Variants in KCNJ3 observed in about 807,000 individuals in gnomAD.
KCNJ3 encodes the protein potassium inwardly rectifying channel subfamily J member 3, also known as G protein-activated inward rectifier potassium channel 1.
KCNJ3 carries 4 observed loss-of-function variants against 39.2 expected under a neutral mutation model. The observed-to-expected ratio is 0.10, with a 90% CI of 0.05 to 0.23. The LOEUF (loss-of-function observed/expected upper bound fraction) is 0.23, where lower values mean the gene tolerates loss of function less well. Ranked by LOEUF, KCNJ3 falls within the 10% of genes least tolerant of loss-of-function variation. The pLI is 1.00. For synonymous variants in KCNJ3, 230 were observed against 237.4 expected (o/e 0.97, Z 0.29); for missense variants, 276 against 634.9 (o/e 0.43, Z 6.08).
intron 2 of KCNJ3, among the ~76,000 whole-genome samples, chr2:154,715,659 G>A (rs1283031741): frequency 6.6e-6 from 1 of 152,146 alleles, no homozygotes; most frequent in Non-Finnish European, 1.5e-5. Context: ...ACATTTGTGA[G>A]TAAGGTGCTT....
intron 2 of KCNJ3, among the ~76,000 whole-genome samples, chr2:154,723,737 C>T (rs1045704905): frequency 6.6e-6 from 1 of 151,978 alleles, no homozygotes; most frequent in Admixed American, 6.6e-5. Context: ...ATTAAATATG[C>T]TCAGTACTTC....
chr2:154,743,929 C>A (rs1159694987), intron 2 of KCNJ3, among the ~76,000 whole-genome samples: 1 of 151,414 alleles, frequency 6.6e-6, no homozygotes, highest in East Asian at 1.9e-4. Flanking sequence ...TCTTAAAAAG[C>A]AGCTTTCAAT....
chr2:154,830,715 A>G (rs1687347433), intron 2 of KCNJ3, among the ~76,000 whole-genome samples: 1 of 152,068 alleles, frequency 6.6e-6, no homozygotes, highest in Admixed American at 6.6e-5. Flanking sequence ...AGTTGGAAGT[A>G]ATTGTTCTTA....
At chr2:154,798,214 A>G (rs1302531517) in intron 2 of KCNJ3, among the ~76,000 whole-genome samples, 1 of 131,104 alleles carries the variant, frequency 7.6e-6, no homozygotes, top group African/African-American at 2.8e-5. Flanking sequence ...ACACACACAC[A>G]CACACACGCA....
chr2:154,760,369 T>C (rs138071618), intron 2 of KCNJ3, among the ~76,000 whole-genome samples: 33 of 152,314 alleles, frequency 2.2e-4, no homozygotes, highest in African/African-American at 7.7e-4. Context: ...ATGACTGTTT[T>C]CTCTAAGTTT....
At chr2:154,793,211 C>T (rs532012078) in intron 2 of KCNJ3, among the ~76,000 whole-genome samples, 8 of 151,984 alleles carry the variant, frequency 5.3e-5, no homozygotes, top group Non-Finnish European at 8.8e-5. Context: ...ATTATATTGG[C>T]GAGTTTTTAC....
chr2:154,846,705 G>C (rs1350804010), intron 2 of KCNJ3, among the ~76,000 whole-genome samples: 1 of 152,114 alleles, frequency 6.6e-6, no homozygotes, highest in East Asian at 1.9e-4. Context: ...ACCTGACCAT[G>C]AGCCTTTAGC....
chr2:154,770,449 C>T (rs147142489), intron 2 of KCNJ3, among the ~76,000 whole-genome samples: 4 of 151,136 alleles, frequency 2.6e-5, no homozygotes, highest in African/African-American at 7.3e-5. Context: ...TTTTTTTTGC[C>T]GCAATTTCTT....
At chr2:154,736,821 A>G (rs896121269) in intron 2 of KCNJ3, among the ~76,000 whole-genome samples, 1 of 152,094 alleles carries the variant, frequency 6.6e-6, no homozygotes, top group Non-Finnish European at 1.5e-5. Flanking sequence ...CTGAGAGACA[A>G]GAAACAAATG....
rs551628926 is a variant in KCNJ3 at position 154,817,919 on chromosome 2, CG to C, written c.920-36807del. Among the ~76,000 whole-genome samples, 133 of 152,084 alleles carry C rather than the reference CG, an allele frequency of 8.7e-4. No individual in the cohort carries two copies. The South Asian group carries it at 0.027, about 30-fold the overall frequency. ...AGATTTAAAGCATGGTCAATAAAAA[CG>C]TGTCCAACGATGTCATATTTATTAA... is the stretch of plus-strand genomic sequence containing the variant. On this transcript the variant is annotated intron_variant, in intron 2 of 2. Transcript: ENST00000295101.
intron 2 of KCNJ3, among the ~76,000 whole-genome samples, chr2:154,755,049 TA>T (rs1449861287): frequency 6.6e-6 from 1 of 152,168 alleles, no homozygotes; most frequent in African/African-American, 2.4e-5. Context: ...ACCTTTGTAT[TA>T]TTTTTATAAT....
At chr2:154,846,030 A>C (rs1687658047) in intron 2 of KCNJ3, among the ~76,000 whole-genome samples, 1 of 152,164 alleles carries the variant, frequency 6.6e-6, no homozygotes. Flanking sequence ...TAAAGTAATA[A>C]TAGGATAGGG....
At chr2:154,704,417 C>T (rs938481589) in intron 1 of KCNJ3, among the ~76,000 whole-genome samples, 8 of 152,162 alleles carry the variant, frequency 5.3e-5, no homozygotes, top group East Asian at 3.9e-4. Context: ...GTTATAAAGC[C>T]GCTCTTTCAT....
intron 2 of KCNJ3, among the ~76,000 whole-genome samples, chr2:154,753,593 G>A (rs745512588): frequency 6.6e-6 from 1 of 151,966 alleles, no homozygotes; most frequent in Admixed American, 6.6e-5. Flanking sequence ...GTTTCTTATA[G>A]CTACATGGAT....
intron 2 of KCNJ3, among the ~76,000 whole-genome samples, chr2:154,835,789 T>TATCA (rs1687449952): frequency 6.6e-6 from 1 of 152,124 alleles, no homozygotes; most frequent in South Asian, 2.1e-4. Context: ...TATATCTTAC[T>TATCA]ATCATTCATA....
chr2:154,724,909 C>T (rs1485908287), intron 2 of KCNJ3, among the ~76,000 whole-genome samples: 1 of 68,530 alleles, frequency 1.5e-5, no homozygotes, highest in Non-Finnish European at 2.8e-5. Context: ...ATACAAGATA[C>T]ATATGAGGTA....
chr2:154,731,849 A>G (rs957439543), intron 2 of KCNJ3, among the ~76,000 whole-genome samples: 3 of 152,010 alleles, frequency 2.0e-5, no homozygotes, highest in African/African-American at 7.2e-5. Context: ...CTACCAAATG[A>G]AAATAATTCA....
At chr2:154,805,910 C>G (rs1421854729) in intron 2 of KCNJ3, among the ~76,000 whole-genome samples, 2 of 152,078 alleles carry the variant, frequency 1.3e-5, no homozygotes, top group Non-Finnish European at 2.9e-5. Flanking sequence ...TCTAATGTTT[C>G]AATGTTCTAC....
chr2:154,824,055 T>TGA (rs1409589608), intron 2 of KCNJ3, among the ~76,000 whole-genome samples: 2 of 152,090 alleles, frequency 1.3e-5, no homozygotes, highest in East Asian at 3.9e-4. Flanking sequence ...TACTTAGGCC[T>TGA]GATGTAGTGT....
Sources: allele counts gnomAD v4.1 joint callset (sites outside exome capture counted in the v4.1 genomes callset), GRCh38; gene constraint gnomAD v4.1.1; transcripts MANE v1.5; gene names NCBI Gene and HGNC (gene_info 2026-07-23, HGNC 2026-07-21).